Variants in SPAG16 observed in about 807,000 individuals in gnomAD.
SPAG16 encodes the protein sperm-associated antigen 16 protein.
Under a neutral mutation model 80.4 loss-of-function variants are expected in SPAG16, and 86 were observed. The ratio of observed to expected loss-of-function variants is 1.07; its 90% confidence interval spans 0.90 to 1.28. The LOEUF is 1.28. SPAG16 is among the 50% of genes most tolerant of loss of function. The pLI is 0.00. For missense variants in SPAG16, 870 were observed against 765.3 expected, an observed-to-expected ratio of 1.14 and a Z score of -1.61; for synonymous variants, 294 against 265.9, an observed-to-expected ratio of 1.11 and a Z score of -1.03.
intron 15 of SPAG16, among the ~76,000 whole-genome samples, chr2:214,214,669 A>G (rs894864177): frequency 2.6e-5 from 4 of 151,988 alleles, no homozygotes; most frequent in Admixed American, 6.6e-5. Context: ...TTGTGGGTAC[A>G]GAAGTTTATG....
At chr2:214,221,859 A>G (rs2058579627) in intron 15 of SPAG16, among the ~76,000 whole-genome samples, 1 of 152,166 alleles carries the variant, frequency 6.6e-6, no homozygotes, top group Admixed American at 6.5e-5. Flanking sequence ...GTGTAGTAGC[A>G]TGATATTTTT....
In SPAG16 at chr2:214,012,288, A is replaced by ATATTT. The variant is rs1553694500; in HGVS notation, c.1401-1662_1401-1661insATTTT. Among the ~76,000 whole-genome samples the ATATTT allele has an allele frequency of 1.5e-3, 72 of 46,806 alleles. 3 individuals are homozygous for ATATTT. The highest frequency in any genetic ancestry group is 1.8e-3 in the Non-Finnish European group (53 of 30,178). The allele number at this position is 46,806 out of a possible 152,430, so 30.7% of individuals were successfully genotyped here. On this transcript the variant is annotated intron_variant, in intron 12 of 15. Coordinates refer to ENST00000331683, the MANE Select transcript of SPAG16 (RefSeq NM_024532.5). Reference sequence around the variant, plus strand: ...TATATATATATATATATATATATATATTTTTTTTTTTTTTTTTTTTTCCTC... The same window carrying ATATTT: ...TATATATATATATATATATATATATATATTTTTTTTTTTTTTTTTTTTTTTTCCTC...
intron 3 of SPAG16, among the ~76,000 whole-genome samples, chr2:213,303,816 T>C (rs2062839609): frequency 6.6e-6 from 1 of 152,176 alleles, no homozygotes; most frequent in South Asian, 2.1e-4. Context: ...ATCTTAGTTA[T>C]TGTGAATAGT....
intron 14 of SPAG16, among the ~76,000 whole-genome samples, chr2:214,117,982 G>A (rs1480025117): frequency 6.6e-6 from 1 of 152,046 alleles, no homozygotes; most frequent in Non-Finnish European, 1.5e-5. Flanking sequence ...GTTCAACATA[G>A]CACTAGAAGT....
chr2:213,625,812 G>A (rs530468123), intron 10 of SPAG16, among the ~76,000 whole-genome samples: 2 of 151,812 alleles, frequency 1.3e-5, no homozygotes, highest in African/African-American at 2.4e-5. Context: ...CTCAGCCTCC[G>A]GAGTAGCTGG....
intron 13 of SPAG16, among the ~76,000 whole-genome samples, chr2:214,082,801 TATG>T (rs1265742047): frequency 6.6e-6 from 1 of 152,210 alleles, no homozygotes; most frequent in Non-Finnish European, 1.5e-5. Flanking sequence ...ATTCAACCTT[TATG>T]ATATTTTTCT....
At chr2:213,461,257 A>G (rs1387697395) in intron 9 of SPAG16, among the ~76,000 whole-genome samples, 6 of 152,226 alleles carry the variant, frequency 3.9e-5, no homozygotes, top group Non-Finnish European at 8.8e-5. Flanking sequence ...CAGAGGCAAC[A>G]AAAAGGAAGA....
At chr2:214,256,473 GA>G (rs1275524932) in intron 15 of SPAG16, among the ~76,000 whole-genome samples, 1 of 151,726 alleles carries the variant, frequency 6.6e-6, no homozygotes, top group Admixed American at 6.6e-5. Context: ...CTTCTTATTT[GA>G]AAAGGTATTC....
intron 15 of SPAG16, among the ~76,000 whole-genome samples, chr2:214,212,044 T>C (rs1297200267): frequency 2.6e-5 from 4 of 152,170 alleles, no homozygotes; most frequent in Non-Finnish European, 4.4e-5. Context: ...AAAATATACT[T>C]GTAAAATATA....
chr2:213,890,589 CTGTTAT>C (rs1322467176), intron 11 of SPAG16, among the ~76,000 whole-genome samples: 15 of 151,394 alleles, frequency 9.9e-5, no homozygotes, highest in Non-Finnish European at 1.9e-4. Context: ...TTAAAGATGA[CTGTTAT>C]TTATTATTTT....
rs573560507 is a variant in SPAG16, at chr2:214,013,353, C to T, written c.1401-598C>T. Among the ~76,000 whole-genome samples, 9 of 152,084 alleles carry T rather than the reference C, an allele frequency of 5.9e-5. No homozygotes were observed. In the South Asian group the frequency reaches 6.2e-4, roughly 11 times the overall value. ...TCTTTGTGGCGAGAACTTTCAAAAG[C>T]GTTTCTTCTAGCTGTTTTGTAATAT... On this transcript the variant is annotated intron_variant, in intron 12 of 15. Transcript: ENST00000331683.
At chr2:214,268,632 GA>G (rs1295748430) in intron 15 of SPAG16, among the ~76,000 whole-genome samples, 1 of 151,768 alleles carries the variant, frequency 6.6e-6, no homozygotes, top group Non-Finnish European at 1.5e-5. Flanking sequence ...GAACCAACAT[GA>G]CTGAAAATAA....
intron 11 of SPAG16, among the ~76,000 whole-genome samples, chr2:213,883,142 T>G (rs2076415320): frequency 6.6e-6 from 1 of 152,244 alleles, no homozygotes; most frequent in Non-Finnish European, 1.5e-5. Context: ...TCAAGGTGTT[T>G]AGCAATATAA....
intron 10 of SPAG16, among the ~76,000 whole-genome samples, chr2:213,683,841 GTTCT>G (rs2064519010): frequency 6.6e-6 from 1 of 152,018 alleles, no homozygotes; most frequent in African/African-American, 2.4e-5. Flanking sequence ...TGGAAAAGTT[GTTCT>G]CATTTGCAAT....
intron 12 of SPAG16, among the ~76,000 whole-genome samples, chr2:213,952,155 C>T (rs908828149): frequency 6.6e-6 from 1 of 151,572 alleles, no homozygotes; most frequent in South Asian, 2.1e-4. Flanking sequence ...TTTAAGGAAA[C>T]CTAAATATGA....
At chr2:214,138,240 T>A (rs1242544579) in intron 14 of SPAG16, among the ~76,000 whole-genome samples, 9 of 152,134 alleles carry the variant, frequency 5.9e-5, no homozygotes, top group Non-Finnish European at 1.0e-4. Flanking sequence ...CAAGGGGACC[T>A]GGCTAGGGTA....
At chr2:213,482,178 C>T (rs1293062724) in intron 9 of SPAG16, among the ~76,000 whole-genome samples, 1 of 152,212 alleles carries the variant, frequency 6.6e-6, no homozygotes, top group Non-Finnish European at 1.5e-5. Flanking sequence ...CACTGAGGAC[C>T]ACAGGCTGGA....
intron 14 of SPAG16, among the ~76,000 whole-genome samples, chr2:214,125,205 C>T (rs1225815579): frequency 2.6e-5 from 4 of 151,490 alleles, no homozygotes; most frequent in Non-Finnish European, 5.9e-5. Context: ...TAAGTATACA[C>T]TCTGTTTCTT....
chr2:213,996,789 C>T (rs1003946738), intron 12 of SPAG16, among the ~76,000 whole-genome samples: 7 of 152,044 alleles, frequency 4.6e-5, no homozygotes, highest in East Asian at 1.9e-4. Context: ...AGGCTGGTCT[C>T]GAACTCCTGA....
Sources: gnomAD v4.1 joint callset for allele counts (sites outside exome capture counted in the v4.1 genomes callset) on GRCh38, gnomAD v4.1.1 for gene constraint, MANE v1.5 for transcripts, NCBI Gene and HGNC (gene_info 2026-07-23, HGNC 2026-07-21) for gene names.